RASSF3: variants seen among roughly 807,000 people sequenced by gnomAD.
RASSF3 encodes the protein Ras association domain family member 3.
Under a neutral mutation model 19.9 loss-of-function variants are expected in RASSF3, and 19 were observed. The ratio of observed to expected loss-of-function variants is 0.96; its 90% CI spans 0.67 to 1.40. RASSF3 has a LOEUF of 1.40. RASSF3 is among the 40% of genes most tolerant of loss of function. RASSF3 has a pLI of 0.00. For synonymous variants in RASSF3, 110 were observed against 104.2 expected (o/e 1.06, Z -0.34); for missense variants, 306 against 289.8 (o/e 1.06, Z -0.41).
chr12:64,647,200 A>C (rs1318808272), intron 1 of RASSF3, among the ~76,000 whole-genome samples: 1 of 152,084 alleles, frequency 6.6e-6, no homozygotes, highest in East Asian at 1.9e-4. Context: ...GTAAAAGATA[A>C]ATGAAACCCA....
At position 64,623,707 on chromosome 12, in the gene RASSF3, A is replaced by G. The variant is rs1016345482; in HGVS notation, c.111+12964A>G. On this transcript the variant is annotated intron_variant, in intron 1 of 4. Transcript: ENST00000542104. Reference sequence around the variant, plus strand: ...ACCCAGGCTGGAGTGCAGTGGCACGATCTCGGCTCACTGCAGCTTCTGCTT... The same window carrying G: ...ACCCAGGCTGGAGTGCAGTGGCACGGTCTCGGCTCACTGCAGCTTCTGCTT... Among the ~76,000 whole-genome samples, 41 of 152,046 alleles carry G rather than the reference A, an allele frequency of 2.7e-4. 1 individual carries two copies. The highest frequency in any genetic ancestry group is 9.7e-4 in the African/African-American group (40 of 41,370).
intron 1 of RASSF3, among the ~76,000 whole-genome samples, chr12:64,518,125 AAAATT>A (rs1393604096): frequency 4.6e-5 from 7 of 152,198 alleles, no homozygotes; most frequent in African/African-American, 1.7e-4. Flanking sequence ...AAAAAGATAA[AAAATT>A]AATCATTCAT....
chr12:64,522,760 T>C (rs547857611), intron 1 of RASSF3, among the ~76,000 whole-genome samples: 4 of 152,284 alleles, frequency 2.6e-5, no homozygotes, highest in South Asian at 2.1e-4. Flanking sequence ...TTCAGCTACT[T>C]GGTTTCAGCT....
chr12:64,646,702 A>G (rs563926347), intron 1 of RASSF3, among the ~76,000 whole-genome samples: 1 of 152,212 alleles, frequency 6.6e-6, no homozygotes, highest in East Asian at 1.9e-4. Flanking sequence ...TTCCTATGGA[A>G]AACCTCATAC....
At chr12:64,527,994 C>T (rs957393467) in intron 1 of RASSF3, among the ~76,000 whole-genome samples, 2 of 152,128 alleles carry the variant, frequency 1.3e-5, no homozygotes, top group African/African-American at 4.8e-5. Flanking sequence ...TGTGGTGGCT[C>T]ACGCCTGTAA....
At chr12:64,684,698 T>C in intron 1 of RASSF3, 89 bp from the exon 2 acceptor site, 1 of 818,280 alleles carries the variant, frequency 1.2e-6, no homozygotes, top group Non-Finnish European at 2.1e-6. Context: ...CCCAAAGTGC[T>C]GGGATTACAG....
At chr12:64,629,242 C>T (rs780333695) in intron 1 of RASSF3, among the ~76,000 whole-genome samples, 33 of 151,922 alleles carry the variant, frequency 2.2e-4, no homozygotes, top group Non-Finnish European at 4.3e-4. Flanking sequence ...GCTAGGACTA[C>T]AGGTACGTGC....
At chr12:64,510,265 T>C (rs927953813) in intron 1 of RASSF3, among the ~76,000 whole-genome samples, 5 of 152,192 alleles carry the variant, frequency 3.3e-5, no homozygotes, top group African/African-American at 9.6e-5. Flanking sequence ...CTTTACTGAA[T>C]TGACTTATGA....
chr12:64,591,903 G>T (rs1422274716), intron 2 of RASSF3, among the ~76,000 whole-genome samples: 1 of 148,790 alleles, frequency 6.7e-6, no homozygotes, highest in Non-Finnish European at 1.5e-5. Context: ...TCCTTCGGTT[G>T]CTGTTTTTTT....
At chr12:64,602,230 A>C (rs996631263) in intron 2 of RASSF3, among the ~76,000 whole-genome samples, 1 of 150,990 alleles carries the variant, frequency 6.6e-6, no homozygotes, top group Admixed American at 6.6e-5. Flanking sequence ...TGAGCTCAGG[A>C]GTTTGAGACT....
downstream of RASSF3, among the ~76,000 whole-genome samples, chr12:64,544,137 C>T (rs1002341825): frequency 6.6e-6 from 1 of 152,126 alleles, no homozygotes; most frequent in Non-Finnish European, 1.5e-5. Context: ...GTACTGCTCA[C>T]TCTTTGGGTC....
chr12:64,609,878 A>G (rs960699930), upstream of RASSF3, among the ~76,000 whole-genome samples: 3 of 152,234 alleles, frequency 2.0e-5, no homozygotes, highest in Non-Finnish European at 4.4e-5. Flanking sequence ...GGAAAAGGGT[A>G]AGACCGAAGC....
At chr12:64,658,764 A>G (rs140752620) in intron 1 of RASSF3, among the ~76,000 whole-genome samples, 7 of 152,238 alleles carry the variant, frequency 4.6e-5, no homozygotes, top group Middle Eastern at 3.4e-3. Context: ...GTGAAACTCT[A>G]TCTCAAAAAG....
At chr12:64,592,291 G>A (rs1475864974) in intron 2 of RASSF3, among the ~76,000 whole-genome samples, 1 of 152,128 alleles carries the variant, frequency 6.6e-6, no homozygotes, top group African/African-American at 2.4e-5. Context: ...ATTTATCCTG[G>A]AGGTTATTCC....
At chr12:64,680,873 A>G (rs1873100678) in intron 1 of RASSF3, among the ~76,000 whole-genome samples, 1 of 152,068 alleles carries the variant, frequency 6.6e-6, no homozygotes, top group African/African-American at 2.4e-5. Context: ...CGGCCTCCCA[A>G]AGTGCTGGGA....
At chr12:64,676,166 AT>A (rs35376691) in intron 1 of RASSF3, among the ~76,000 whole-genome samples, 31,234 of 106,020 alleles carry the variant, frequency 0.29, 2,855 homozygotes, top group East Asian at 0.54. Flanking sequence ...CAGGAGTAGA[AT>A]TTTTTTTTTT....
intron 1 of RASSF3, among the ~76,000 whole-genome samples, chr12:64,519,850 A>G (rs1868432097): frequency 6.6e-6 from 1 of 152,130 alleles, no homozygotes; most frequent in African/African-American, 2.4e-5. Flanking sequence ...ATGTATTTAT[A>G]TATATAAGCT....
chr12:64,515,334 C>A (rs1238705913), intron 1 of RASSF3, among the ~76,000 whole-genome samples: 1 of 152,210 alleles, frequency 6.6e-6, no homozygotes, highest in Non-Finnish European at 1.5e-5. Flanking sequence ...TGATTACAGG[C>A]ATGAGCCACC....
chr12:64,637,574 C>T (rs1451026243), intron 1 of RASSF3, among the ~76,000 whole-genome samples: 4 of 151,760 alleles, frequency 2.6e-5, no homozygotes, highest in South Asian at 4.2e-4. Context: ...GGATGGCAGG[C>T]GTGTGCCACC....
Sources: gnomAD v4.1 joint callset for allele counts (sites outside exome capture counted in the v4.1 genomes callset) on GRCh38, gnomAD v4.1.1 for gene constraint, MANE v1.5 for transcripts, NCBI Gene and HGNC (gene_info 2026-07-23, HGNC 2026-07-21) for gene names.